The following CEP85 variants were observed in gnomAD, a reference collection of about 807,000 sequenced individuals.
The protein encoded by CEP85 is centrosomal protein of 85 kDa.
In CEP85, 58 loss-of-function variants were observed where a neutral mutation model predicts 93.7. That is an observed-to-expected ratio of 0.62 (90% CI 0.50 to 0.77). CEP85 has a LOEUF of 0.77. Ranked by LOEUF, CEP85 falls within the 30% of genes least tolerant of loss-of-function variation. The pLI is 0.00. For missense variants in CEP85, 868 were observed against 922.0 expected, an observed-to-expected ratio of 0.94 and a Z score of 0.76; for synonymous variants, 314 against 338.6, an observed-to-expected ratio of 0.93 and a Z score of 0.80.
At chr1:26,265,003 T>TTTA (rs1480720599) in intron 7 of CEP85, among the ~76,000 whole-genome samples, 1 of 129,844 alleles carries the variant, frequency 7.7e-6, no homozygotes, top group African/African-American at 3.1e-5. Context: ...TTTTTTTTTT[T>TTTA]AGATAGAGTC....
At chr1:26,262,306 C>CAA (rs202180103) in intron 7 of CEP85, among the ~76,000 whole-genome samples, 4 of 149,608 alleles carry the variant, frequency 2.7e-5, no homozygotes, top group African/African-American at 7.4e-5. Flanking sequence ...GACTCTGTCT[C>CAA]AAAAAAAAAC....
At chr1:26,238,060 T>C (rs1048177570) in intron 1 of CEP85, among the ~76,000 whole-genome samples, 1 of 151,470 alleles carries the variant, frequency 6.6e-6, no homozygotes, top group Non-Finnish European at 1.5e-5. Flanking sequence ...TTTGGGTTGT[T>C]ATGTACTTTA....
chr1:26,276,198 G>C (rs1570054604), intron 12 of CEP85, among the ~76,000 whole-genome samples: 1 of 152,230 alleles, frequency 6.6e-6, no homozygotes, highest in African/African-American at 2.4e-5. Context: ...CTGGCTAACA[G>C]AGTTGGCTGA....
At chr1:26,272,458 G>A in intron 11 of CEP85, 1 of 217,746 alleles carries the variant, frequency 4.6e-6, no homozygotes, top group Non-Finnish European at 9.3e-6. Flanking sequence ...ACATGAAACA[G>A]CATAGTTTGA....
intron 2 of CEP85, among the ~76,000 whole-genome samples, chr1:26,241,503 C>A (rs1557647741): frequency 2.6e-5 from 4 of 152,038 alleles, no homozygotes; most frequent in African/African-American, 7.2e-5. Context: ...CTGGGCCTCG[C>A]AAAGTGCTGG....
intron 3 of CEP85, among the ~76,000 whole-genome samples, chr1:26,246,757 A>ATCC (rs1228426424): frequency 1.6e-4 from 24 of 151,912 alleles, no homozygotes; most frequent in African/African-American, 5.3e-4. Context: ...ATATACTAAG[A>ATCC]CTGTATTTTC....
In CEP85 at chr1:26,241,475, A is replaced by C. The variant is rs561333911; in HGVS notation, c.55+1637A>C. 5.9e-5 allele frequency among the ~76,000 whole-genome samples: 9 copies of C among 152,136 alleles called. No homozygotes were observed. The South Asian group carries it at 1.9e-3, about 32-fold the overall frequency. On this transcript the variant is annotated intron_variant, in intron 2 of 13. Transcript: ENST00000451429. ...TAGCCAGGATGGTCTCAATCTCCTG[A>C]CCTTGTGATCTGCCCGCCTGGGCCT...
intron 11 of CEP85, among the ~76,000 whole-genome samples, chr1:26,272,640 T>G (rs1557668850): frequency 4.8e-5 from 7 of 144,696 alleles, no homozygotes; most frequent in African/African-American, 1.0e-4. Flanking sequence ...TTTTTTTTTT[T>G]TTTTGGAGAC....
chr1:26,263,818 C>T (rs1356748155), intron 7 of CEP85, among the ~76,000 whole-genome samples: 1 of 152,116 alleles, frequency 6.6e-6, no homozygotes, highest in Admixed American at 6.6e-5. Context: ...TGCACAGTTC[C>T]ACTTGTACGT....
intron 2 of CEP85, 77 bp downstream of exon 2, chr1:26,239,915 A>C: frequency 9.2e-7 from 1 of 1,086,060 alleles, no homozygotes; most frequent in South Asian, 1.3e-5. Context: ...TAAATATTGA[A>C]CAAACAAGCA....
rs761628596 is a variant in CEP85, at chr1:26,259,740, A to G, written c.1279A>G (p.Arg427Gly). The G allele has an allele frequency of 1.2e-6, 2 of 1,613,770 alleles. No homozygotes were observed. The highest frequency in any genetic ancestry group is 1.1e-5 in the South Asian group (1 of 91,004). Residue 427 changes from arginine to glycine, a missense_variant, in exon 7 of 14, where the codon AGA (arginine) becomes GGA (glycine). Arg to Gly is a moderately radical substitution (Grantham distance 125). Transcript: ENST00000451429. ...TTCTGAAGTTGAAGTCCAGCTCATC[A>G]GAGAGTCGCTCAAAGTGGCGTTGCA... The part of the protein sequence containing the change: ...SASEVEVQLI[R>G]ESLKVALQKH...
chr1:26,269,981 G>C (rs2089950432), intron 9 of CEP85, among the ~76,000 whole-genome samples: 1 of 151,812 alleles, frequency 6.6e-6, no homozygotes, highest in African/African-American at 2.4e-5. Context: ...GTAGAGACGG[G>C]GTTTCACCGT....
At position 26,245,516 on chromosome 1, in the gene CEP85, C is replaced by T. The variant is rs570610887; in HGVS notation, c.208+1198C>T. 1.5e-4 allele frequency among the ~76,000 whole-genome samples: 23 copies of T among 152,260 alleles called. No individual in the cohort carries two copies. The South Asian group carries it at 4.6e-3, about 30-fold the overall frequency. Reference sequence around the variant, plus strand: ...TTAGTCATATCATTCTCCTTGCATTCTTGTATCTTTATTATCTCTGCCACT... The same window carrying T: ...TTAGTCATATCATTCTCCTTGCATTTTTGTATCTTTATTATCTCTGCCACT... On this transcript the variant is annotated intron_variant, in intron 3 of 13. Coordinates refer to ENST00000451429, the MANE Select transcript of CEP85 (RefSeq NM_001319944.2).
At chr1:26,272,286 C>A in intron 11 of CEP85, 1 of 566,740 alleles carries the variant, frequency 1.8e-6, no homozygotes, top group Non-Finnish European at 3.2e-6. Flanking sequence ...CCACAGTATC[C>A]TGGGGGAGTG....
chr1:26,272,049 A>G lies in CEP85; in HGVS notation c.1772A>G (p.Asp591Gly). The G allele has an allele frequency of 6.2e-7, 1 of 1,614,162 alleles. No individual in the cohort carries two copies. Residue 591 changes from aspartate to glycine, a missense_variant, in exon 11 of 14, where the codon GAT becomes GGT. Transcript: ENST00000451429. ...GTGGAGAAGCAGCAGCAGAAGATGG[A>G]TCAGTTGCGCTCACAAGTACAGGTG... ...KIVEKQQQKMDQLRSQVQSLE... is the reference protein window; with the variant it reads ...KIVEKQQQKMGQLRSQVQSLE...
intron 3 of CEP85, among the ~76,000 whole-genome samples, chr1:26,251,462 G>T (rs996977815): frequency 1.3e-5 from 2 of 151,798 alleles, no homozygotes; most frequent in Non-Finnish European, 2.9e-5. Context: ...CGTTGATCAG[G>T]CTGGTCTCAA....
intron 3 of CEP85, among the ~76,000 whole-genome samples, chr1:26,245,979 CA>C (rs11403503): frequency 1.3e-4 from 19 of 147,990 alleles, no homozygotes; most frequent in African/African-American, 3.0e-4. Flanking sequence ...GACCCTGTCT[CA>C]AAAAAAAAAA....
rs2090072104 is a variant in CEP85, at chr1:26,277,578, CAT to C, written c.*286_*287del. 1 of 292,176 alleles carries C rather than the reference CAT, an allele frequency of 3.4e-6. No individual in the cohort carries two copies. The highest frequency in any genetic ancestry group is 6.7e-6 in the Non-Finnish European group (1 of 150,018). The allele number at this position is 292,176 out of a possible 1,614,324, so 18.1% of individuals were successfully genotyped here. A position where few individuals can be genotyped will look rare whatever the true frequency, so the allele number is the denominator to read the frequency against. The stretch of plus-strand genomic sequence containing the variant: ...CAAACTGTTCCCAGCCCTAGGCTGA[CAT>C]GAGAGACGAACAGGCTGTCCACCTT... On this transcript the variant is annotated 3_prime_UTR_variant, in exon 14 of 14. Transcript: ENST00000451429.
intron 1 of CEP85, among the ~76,000 whole-genome samples, chr1:26,234,633 G>T (rs772997530): frequency 6.6e-6 from 1 of 152,262 alleles, no homozygotes; most frequent in Non-Finnish European, 1.5e-5. Context: ...AGCCCTGGGA[G>T]TCGACGTTAA....
Sources: allele counts gnomAD v4.1 joint callset (sites outside exome capture counted in the v4.1 genomes callset), GRCh38; gene constraint gnomAD v4.1.1; transcripts MANE v1.5; gene names NCBI Gene and HGNC (gene_info 2026-07-23, HGNC 2026-07-21).